Variants in NSD1 observed in about 807,000 individuals in gnomAD.
NSD1 encodes the protein histone-lysine N-methyltransferase, H3 lysine-36 specific.
NSD1 carries 26 observed loss-of-function variants against 242.7 expected under a neutral mutation model. That is an observed-to-expected ratio of 0.11 (90% confidence interval 0.08 to 0.15). NSD1 has a LOEUF of 0.15. NSD1 is among the 10% of genes least tolerant of loss of function. The pLI, the probability that NSD1 is intolerant of heterozygous loss-of-function variation, is 1.00. For synonymous variants in NSD1, 1,106 were observed against 1,178.1 expected (o/e 0.94, Z 1.25); for missense variants, 2,495 against 3,272.8 (o/e 0.76, Z 5.80).
At position 177,269,459 on chromosome 5, in the gene NSD1, T is replaced by C; in HGVS notation, c.5304-143T>C. On this transcript the variant is annotated intron_variant, in intron 15 of 22. Transcript: ENST00000439151. The surrounding 1 kb of genome is among the most constrained non-coding windows in gnomAD (Gnocchi z 5.1). ...TAGCACATACGACTTGTTTGTGTTC[T>C]AGTTAGGTTGTAAGAATGCCGTAAG... 1.3e-6 allele frequency: 1 copy of C among 760,218 alleles called. No individual in the cohort carries two copies. The highest frequency in any genetic ancestry group is 2.3e-6 in the Non-Finnish European group (1 of 440,186). The allele number at this position is 760,218 out of a possible 1,614,324, so 47.1% of individuals were successfully genotyped here.
At chr5:177,197,490 C>T (rs1315044030) in intron 3 of NSD1, among the ~76,000 whole-genome samples, 2 of 151,410 alleles carry the variant, frequency 1.3e-5, no homozygotes, top group African/African-American at 2.4e-5. Flanking sequence ...GGCAGGGTGG[C>T]GGGCGCCTGT....
At chr5:177,185,765 A>G (rs1761077447) in intron 2 of NSD1, among the ~76,000 whole-genome samples, 2 of 76,442 alleles carry the variant, frequency 2.6e-5, no homozygotes, top group South Asian at 4.2e-4. Context: ...TATATTTTAT[A>G]TATTTATATA....
chr5:177,192,386 T>G (rs115606263), intron 3 of NSD1, among the ~76,000 whole-genome samples: 3,852 of 151,874 alleles, frequency 0.025, 50 homozygotes, highest in African/African-American at 0.029. Flanking sequence ...AATTTTTGTT[T>G]TTTGTTTTTT....
chr5:177,189,242 A>G (rs1204222243), intron 2 of NSD1, among the ~76,000 whole-genome samples: 1 of 152,170 alleles, frequency 6.6e-6, no homozygotes, highest in Non-Finnish European at 1.5e-5. Context: ...ACTGAGACCA[A>G]ATTAACAGAC....
chr5:177,298,207 A>AT lies in NSD1; in HGVS notation c.*2749dup, dbSNP rs989079870. ...GTAATAAGACCCCTTTTCCAAAGGG[A>AT]TGTGAATTGGAGTGAAAAGGAAATC... On this transcript the variant is annotated 3_prime_UTR_variant, in exon 23 of 23. Coordinates refer to ENST00000439151, the MANE Select transcript of NSD1 (RefSeq NM_022455.5). The AT allele has an allele frequency of 1.2e-4, 27 of 233,126 alleles. No individual in the cohort carries two copies. Among genetic ancestry groups the AT allele is most frequent in the African/African-American group, 5.5e-4 (25 of 45,402 alleles). The allele number at this position is 233,126 out of a possible 1,614,324, so 14.4% of individuals were successfully genotyped here. A position where few individuals can be genotyped will look rare whatever the true frequency, so the allele number is the denominator to read the frequency against.
intron 5 of NSD1, among the ~76,000 whole-genome samples, chr5:177,215,580 C>T (rs1763708193): frequency 1.3e-5 from 2 of 151,802 alleles, no homozygotes; most frequent in African/African-American, 2.4e-5. Flanking sequence ...CCCTCTGTCA[C>T]CCAGGCTGGA....
In NSD1 at chr5:177,135,324, G is replaced by A; in HGVS notation, c.221G>A (p.Arg74Lys). Residue 74 changes from arginine to lysine, a missense_variant, in exon 2 of 23, where the codon AGA (arginine) becomes AAA (lysine). This residue lies in a region of NSD1 where 376 missense variants were observed against 367.4 expected (regional missense o/e 1.02). Transcript: ENST00000439151. ...DSPSCYIPLR[R>K]LQDLASMINV... Reference sequence around the variant, plus strand: ...CCATCTTGTTACATTCCACTGCGGAGACTACAGGATTTGGCCTCCATGATC... The same window carrying A: ...CCATCTTGTTACATTCCACTGCGGAAACTACAGGATTTGGCCTCCATGATC... 1 of 1,613,116 alleles carries A rather than the reference G, an allele frequency of 6.2e-7. No homozygotes were observed. The highest frequency in any genetic ancestry group is 1.1e-5 in the South Asian group (1 of 91,076).
intron 9 of NSD1, 58 bp from the exon 10 acceptor site, chr5:177,246,620 A>G (rs1015782898): frequency 4.4e-6 from 5 of 1,132,662 alleles, no homozygotes; most frequent in Non-Finnish European, 6.7e-6. Flanking sequence ...TAATAGGATA[A>G]GAGATTTTGG....
chr5:177,182,059 G>T (rs572516646), intron 2 of NSD1, among the ~76,000 whole-genome samples: 1 of 151,972 alleles, frequency 6.6e-6, no homozygotes, highest in Non-Finnish European at 1.5e-5. Flanking sequence ...GGCCGAGGTA[G>T]GAGAATGGTG....
intron 5 of NSD1, among the ~76,000 whole-genome samples, chr5:177,213,959 C>A (rs1278174558): frequency 6.6e-6 from 1 of 152,024 alleles, no homozygotes; most frequent in Admixed American, 6.6e-5. Context: ...AAGCATGTAA[C>A]CTAAATGTAC....
chr5:177,262,723 A>G (rs747737914), intron 14 of NSD1, among the ~76,000 whole-genome samples: 8 of 152,232 alleles, frequency 5.3e-5, no homozygotes, highest in Non-Finnish European at 1.0e-4. Flanking sequence ...TGCTAAAAAT[A>G]CAAAACTTAG....
At chr5:177,138,869 C>T (rs1340772475) in intron 2 of NSD1, among the ~76,000 whole-genome samples, 5 of 150,192 alleles carry the variant, frequency 3.3e-5, no homozygotes, top group Non-Finnish European at 5.9e-5. Flanking sequence ...GAACTCCTGA[C>T]CTCAGGTGAT....
chr5:177,161,226 A>G (rs1001793347), intron 2 of NSD1, among the ~76,000 whole-genome samples: 1 of 152,078 alleles, frequency 6.6e-6, no homozygotes, highest in African/African-American at 2.4e-5. Flanking sequence ...TCTACAAAAA[A>G]AATAAATTAG....
In NSD1 at chr5:177,288,805, G is replaced by T; in HGVS notation, c.6152-14G>T. The T allele has an allele frequency of 1.9e-6, 3 of 1,553,492 alleles. No individual in the cohort carries two copies. Among genetic ancestry groups the T allele is most frequent in the South Asian group, 1.1e-5 (1 of 89,848 alleles). On this transcript the variant is annotated splice_polypyrimidine_tract_variant and intron_variant, in intron 20 of 22. Transcript: ENST00000439151. ...AAACCATAGATATTAATATTTTCAC[G>T]GTCTCTTATGCAGGCACTGAACTTA... is the stretch of plus-strand genomic sequence containing the variant.
rs1451306796 is a variant in NSD1, at chr5:177,211,133, A to C, written c.2734A>C (p.Met912Leu). The change falls in exon 5 of 23, where the codon ATG becomes CTG. Residue 912 changes from methionine to leucine, a missense_variant. Physicochemically the swap from Met to Leu is conservative, Grantham distance 15. Transcript: ENST00000439151. The part of the protein sequence containing the change: ...EPDYKFSTLL[M>L]MLKDMHDSKT... Reference sequence around the variant, plus strand: ...AGACTACAAATTCAGTACATTGCTAATGATGTTGAAAGATATGCATGATAG... The same window carrying C: ...AGACTACAAATTCAGTACATTGCTACTGATGTTGAAAGATATGCATGATAG... The C allele has an allele frequency of 6.2e-7, 1 of 1,614,182 alleles. No individual in the cohort carries two copies.
intron 3 of NSD1, among the ~76,000 whole-genome samples, chr5:177,203,023 T>C (rs1762620131): frequency 1.3e-5 from 2 of 152,190 alleles, no homozygotes; most frequent in African/African-American, 2.4e-5. Context: ...GTCTTTCTTT[T>C]TTCATTTTTC....
At chr5:177,164,983 A>T (rs1017736944) in intron 2 of NSD1, among the ~76,000 whole-genome samples, 1 of 151,630 alleles carries the variant, frequency 6.6e-6, no homozygotes, top group Non-Finnish European at 1.5e-5. Context: ...TAAATAACTT[A>T]AGGCTGATTG....
At position 177,185,748 on chromosome 5, in the gene NSD1, TATATA is replaced by T. The variant is rs1392120330; in HGVS notation, c.928-6130_928-6126del. ...TATATTATATATATTTTATATATTA[TATATA>T]ATATATTTTATATATTTATATATTA... On this transcript the variant is annotated intron_variant, in intron 2 of 22. Transcript: ENST00000439151. Among the ~76,000 whole-genome samples the T allele has an allele frequency of 7.6e-4, 78 of 101,982 alleles. 1 individual carries two copies. The highest frequency in any genetic ancestry group is 2.4e-3 in the African/African-American group (61 of 25,076). 66.9% of individuals were successfully genotyped at this position (101,982 alleles called of 152,430 possible). A position where few individuals can be genotyped will look rare whatever the true frequency, so the allele number is the denominator to read the frequency against.
chr5:177,179,563 C>T (rs1760487603), intron 2 of NSD1, among the ~76,000 whole-genome samples: 1 of 152,094 alleles, frequency 6.6e-6, no homozygotes. Flanking sequence ...ATACACAGAG[C>T]ACAAGTATAA....
Sources: allele counts gnomAD v4.1 joint callset (sites outside exome capture counted in the v4.1 genomes callset), GRCh38; gene constraint gnomAD v4.1.1; regional missense constraint gnomAD v4.1.1; non-coding constraint Gnocchi (gnomAD v3.1); transcripts MANE v1.5; gene names NCBI Gene and HGNC (gene_info 2026-07-23, HGNC 2026-07-21).